The following DPYSL5 variants were observed in gnomAD, a reference collection of about 807,000 sequenced individuals.
DPYSL5 encodes the protein dihydropyrimidinase like 5.
DPYSL5 carries 9 observed loss-of-function variants against 58.4 expected under a neutral mutation model. The ratio of observed to expected loss-of-function variants is 0.15; its 90% CI spans 0.09 to 0.27. The LOEUF (loss-of-function observed/expected upper bound fraction) is 0.27, where lower values mean the gene tolerates loss of function less well. DPYSL5 is among the 10% of genes least tolerant of loss of function. The pLI is 1.00. For synonymous variants in DPYSL5, 293 were observed against 301.9 expected, an observed-to-expected ratio of 0.97 and a Z score of 0.31; for missense variants, 499 against 770.6, an observed-to-expected ratio of 0.65 and a Z score of 4.17.
In DPYSL5 at chr2:26,898,469, A is replaced by G. The variant is rs746522974; in HGVS notation, c.-4-27A>G. 6 of 1,607,730 alleles carry G rather than the reference A, an allele frequency of 3.7e-6. No homozygotes were observed. The highest frequency in any genetic ancestry group is 1.3e-5 in the African/African-American group (1 of 74,860). ...CTGGAAACAGTGAGAAGGGACTTTG[A>G]CCTTGACCATGCTCACCTTCTTGTA... is the stretch of plus-strand genomic sequence containing the variant. On this transcript the variant is annotated intron_variant, in intron 1 of 12. Transcript: ENST00000288699. The surrounding 1 kb of genome is among the most constrained non-coding windows in gnomAD (Gnocchi z 6.1).
rs1347386234 is a variant in DPYSL5, at chr2:26,898,896, T to C, written c.261+136T>C. On this transcript the variant is annotated intron_variant, in intron 2 of 12. Coordinates refer to ENST00000288699, the MANE Select transcript of DPYSL5 (RefSeq NM_020134.4). This position sits in a 1 kb window ranked among gnomAD's most constrained non-coding sequence, Gnocchi z 6.1. ...CAGGAGAAGGGTGTGTCAGGGCCACTGTGGCAACTACAATAGGGATTTCCG... is the reference window on the plus strand; with the variant it reads ...CAGGAGAAGGGTGTGTCAGGGCCACCGTGGCAACTACAATAGGGATTTCCG... 11 of 1,060,954 alleles carry C rather than the reference T, an allele frequency of 1.0e-5. No homozygotes were observed. Among genetic ancestry groups the C allele is most frequent in the Middle Eastern group, 2.8e-4 (1 of 3,584 alleles). The allele number at this position is 1,060,954 out of a possible 1,614,324, so 65.7% of individuals were successfully genotyped here.
chr2:26,848,940 C>T (rs1373945962), intron 1 of DPYSL5, among the ~76,000 whole-genome samples: 1 of 152,198 alleles, frequency 6.6e-6, no homozygotes, highest in Non-Finnish European at 1.5e-5. Flanking sequence ...CGCCTTGCAG[C>T]ATCGATCTCA....
In DPYSL5 at chr2:26,944,733, G is replaced by C. The variant is rs1221293547; in HGVS notation, c.1518G>C (p.Glu506Asp). The C allele has an allele frequency of 6.2e-7, 1 of 1,614,118 alleles. No homozygotes were observed. The highest frequency in any genetic ancestry group is 8.5e-7 in the Non-Finnish European group (1 of 1,180,020). Reference protein sequence around the residue: ...VAVVVHPGKKEMGTPLADTPT... With the variant: ...VAVVVHPGKKDMGTPLADTPT... Reference sequence around the variant, plus strand: ...TTGTCGTGCACCCTGGGAAAAAAGAGATGGGAACCCCACTCGCAGACACTC... The same window carrying C: ...TTGTCGTGCACCCTGGGAAAAAAGACATGGGAACCCCACTCGCAGACACTC... The change falls in exon 12 of 13, where the codon GAG (glutamate) becomes GAC (aspartate). Residue 506 changes from glutamate (E) to aspartate (D), a missense_variant. By Grantham distance (45) the Glu-to-Asp change is conservative (BLOSUM62 2). Coordinates refer to ENST00000288699, the MANE Select transcript of DPYSL5 (RefSeq NM_020134.4). This position sits in a 1 kb window ranked among gnomAD's most constrained non-coding sequence, Gnocchi z 4.4.
chr2:26,895,782 T>TC (rs1375598335), intron 1 of DPYSL5, among the ~76,000 whole-genome samples: 1 of 141,966 alleles, frequency 7.0e-6, no homozygotes, highest in African/African-American at 2.6e-5. Context: ...TTTCTTTTTT[T>TC]TTTTTTTTTT....
chr2:26,856,417 G>A (rs912137235), intron 1 of DPYSL5, among the ~76,000 whole-genome samples: 10 of 152,222 alleles, frequency 6.6e-5, no homozygotes, highest in African/African-American at 2.2e-4. Context: ...CTCACCAGGG[G>A]CTTCTTGTGC....
chr2:26,898,402 C>T lies in DPYSL5; in HGVS notation c.-4-94C>T. Reference sequence around the variant, plus strand: ...GTTCCTCCTCTTCTCTGCTCACTTACCCTGACCATGGAATTTGGGCTTTGA... The same window carrying T: ...GTTCCTCCTCTTCTCTGCTCACTTATCCTGACCATGGAATTTGGGCTTTGA... On this transcript the variant is annotated intron_variant, in intron 1 of 12. Transcript: ENST00000288699. This position sits in a 1 kb window ranked among gnomAD's most constrained non-coding sequence, Gnocchi z 6.1. 1 of 1,542,518 alleles carries T rather than the reference C, an allele frequency of 6.5e-7. No homozygotes were observed. Among genetic ancestry groups the T allele is most frequent in the Non-Finnish European group, 8.8e-7 (1 of 1,135,166 alleles).
Position 26,947,071 on chromosome 2 carries a change from C to T in DPYSL5, c.*76C>T. ...AACTCTCCAGCCGAAGCTGCAGGGGCAGGAGAGGCTGGGCTGGGTGGCACA... is the reference window on the plus strand; with the variant it reads ...AACTCTCCAGCCGAAGCTGCAGGGGTAGGAGAGGCTGGGCTGGGTGGCACA... On this transcript the variant is annotated 3_prime_UTR_variant, in exon 13 of 13. Transcript: ENST00000288699. The surrounding 1 kb of genome is among the most constrained non-coding windows in gnomAD (Gnocchi z 4.2). 1 of 1,328,612 alleles carries T rather than the reference C, an allele frequency of 7.5e-7. No individual in the cohort carries two copies. Among genetic ancestry groups the T allele is most frequent in the Non-Finnish European group, 1.1e-6 (1 of 941,892 alleles). The allele number at this position is 1,328,612 out of a possible 1,614,324, so 82.3% of individuals were successfully genotyped here.
At chr2:26,902,269 G>T (rs1261786645) in intron 2 of DPYSL5, among the ~76,000 whole-genome samples, 8 of 151,958 alleles carry the variant, frequency 5.3e-5, no homozygotes. Flanking sequence ...TTATTATTCT[G>T]CTTAAGTAGA....
In DPYSL5 at chr2:26,942,112, C is replaced by T. The variant is rs763210749; in HGVS notation, c.1232+20C>T. ...CACAAAGTAAAGTTTGTTGCTCGTC[C>T]CCAGGGCTAGAGGGGCTTGGGATTT... On this transcript the variant is annotated intron_variant, in intron 10 of 12. Transcript: ENST00000288699. The surrounding 1 kb of genome is among the most constrained non-coding windows in gnomAD (Gnocchi z 5.9). The T allele has an allele frequency of 1.2e-6, 2 of 1,613,932 alleles. No homozygotes were observed. Among genetic ancestry groups the T allele is most frequent in the African/African-American group, 1.3e-5 (1 of 75,012 alleles).
In DPYSL5 at chr2:26,932,195, GAAAGAAAGAAAGA is replaced by G. The variant is rs1240504462; in HGVS notation, c.714+527_714+539del. Reference sequence around the variant, plus strand: ...AGAAAGAAAGAAAGAAAGAAAGAAAGAAAGAAAGAAAGAAAAGAAAGAAAGAAAGAAAGAAAGA... The same window carrying G: ...AGAAAGAAAGAAAGAAAGAAAGAAAGAAAGAAAGAAAGAAAGAAAGAAAGA... On this transcript the variant is annotated intron_variant, in intron 6 of 12. Coordinates refer to ENST00000288699, the MANE Select transcript of DPYSL5 (RefSeq NM_020134.4). 1.2e-3 allele frequency among the ~76,000 whole-genome samples: 93 copies of G among 78,442 alleles called. 1 individual carries two copies. Among genetic ancestry groups the G allele is most frequent in the African/African-American group, 3.6e-3 (76 of 21,200 alleles). The allele number at this position is 78,442 out of a possible 152,430, so 51.5% of individuals were successfully genotyped here.
rs150577980 is a variant in DPYSL5, at chr2:26,874,109, A to AT, written c.-4-24380dup. The stretch of plus-strand genomic sequence containing the variant: ...AAGTGTCTCTTCAAATCTTTTGCTC[A>AT]TTTTTTTAATTGCATTGTATTATTG... On this transcript the variant is annotated intron_variant, in intron 1 of 12. Coordinates refer to ENST00000288699, the MANE Select transcript of DPYSL5 (RefSeq NM_020134.4). 1.6e-4 allele frequency among the ~76,000 whole-genome samples: 25 copies of AT among 151,970 alleles called. No homozygotes were observed. The East Asian group carries it at 4.4e-3, about 27-fold the overall frequency.
At position 26,934,518 on chromosome 2, in the gene DPYSL5, A is replaced by G; in HGVS notation, c.791-60A>G. 1 of 1,569,958 alleles carries G rather than the reference A, an allele frequency of 6.4e-7. No individual in the cohort carries two copies. Among genetic ancestry groups the G allele is most frequent in the Non-Finnish European group, 8.6e-7 (1 of 1,157,024 alleles). ...TTCACCTGTAAAATGAGAGGCACAC[A>G]CCAGCGATCGCTCAGGTTCGGTGGC... On this transcript the variant is annotated intron_variant, in intron 7 of 12. Coordinates refer to ENST00000288699, the MANE Select transcript of DPYSL5 (RefSeq NM_020134.4). The surrounding 1 kb of genome is among the most constrained non-coding windows in gnomAD (Gnocchi z 4.3).
At chr2:26,856,098 T>A (rs1665870821) in intron 1 of DPYSL5, among the ~76,000 whole-genome samples, 1 of 152,056 alleles carries the variant, frequency 6.6e-6, no homozygotes, top group African/African-American at 2.4e-5. Context: ...ACTAGTAAAG[T>A]ATAACAGATA....
intron 3 of DPYSL5, among the ~76,000 whole-genome samples, chr2:26,926,455 T>C (rs1558348051): frequency 6.6e-6 from 1 of 152,224 alleles, no homozygotes; most frequent in Non-Finnish European, 1.5e-5. Flanking sequence ...TTATGGTGAC[T>C]TTCATGCATC....
chr2:26,945,443 T>A (rs1055909824), intron 12 of DPYSL5, among the ~76,000 whole-genome samples: 2 of 152,226 alleles, frequency 1.3e-5, no homozygotes, highest in Middle Eastern at 3.4e-3. Flanking sequence ...TTCTGTGGAA[T>A]CTCTGGGTTC....
rs941497410 is a variant in DPYSL5, at chr2:26,898,390, T to C, written c.-4-106T>C. On this transcript the variant is annotated intron_variant, in intron 1 of 12. Transcript: ENST00000288699. This position sits in a 1 kb window ranked among gnomAD's most constrained non-coding sequence, Gnocchi z 6.1. ...CTGTAGGGGAAAGTTCCTCCTCTTC[T>C]CTGCTCACTTACCCTGACCATGGAA... 2 of 1,493,758 alleles carry C rather than the reference T, an allele frequency of 1.3e-6. No homozygotes were observed. The highest frequency in any genetic ancestry group is 2.8e-5 in the African/African-American group (2 of 71,726). The allele number at this position is 1,493,758 out of a possible 1,614,324, so 92.5% of individuals were successfully genotyped here. A position where few individuals can be genotyped will look rare whatever the true frequency, so the allele number is the denominator to read the frequency against.
chr2:26,869,114 G>A (rs946034313), intron 1 of DPYSL5, among the ~76,000 whole-genome samples: 7 of 152,148 alleles, frequency 4.6e-5, no homozygotes, highest in South Asian at 2.1e-4. Flanking sequence ...ATGGGTGCAC[G>A]CCACCATGCC....
rs77557775 is a variant in DPYSL5, at chr2:26,939,905, G to A, written c.948-126G>A. ...TCACGACAGACCACATGGCCTAAGC[G>A]GCAGAGCTGAAATTGGAGTCGGCTT... is the stretch of plus-strand genomic sequence containing the variant. On this transcript the variant is annotated intron_variant, in intron 8 of 12. Coordinates refer to ENST00000288699, the MANE Select transcript of DPYSL5 (RefSeq NM_020134.4). 5,328 of 1,289,476 alleles carry A rather than the reference G, an allele frequency of 4.1e-3. 62 individuals carry two copies. In the African/African-American group the frequency reaches 0.043, roughly 10 times the overall value. 79.9% of individuals were successfully genotyped at this position (1,289,476 alleles called of 1,614,324 possible).
chr2:26,937,991 C>G (rs1665226370), intron 8 of DPYSL5, among the ~76,000 whole-genome samples: 1 of 152,186 alleles, frequency 6.6e-6, no homozygotes, highest in Non-Finnish European at 1.5e-5. Flanking sequence ...CAGATGTGAG[C>G]CACTGCACCT....
Sources: allele counts gnomAD v4.1 joint callset (sites outside exome capture counted in the v4.1 genomes callset), GRCh38; gene constraint gnomAD v4.1.1; non-coding constraint Gnocchi (gnomAD v3.1); transcripts MANE v1.5; gene names NCBI Gene and HGNC (gene_info 2026-07-23, HGNC 2026-07-21).